Variants in ACSM3 observed in about 807,000 individuals in gnomAD.
ACSM3 encodes the protein acyl-CoA synthetase medium chain family member 3.
Under a neutral mutation model 74.1 loss-of-function variants are expected in ACSM3, and 61 were observed. The observed-to-expected ratio is 0.82, with a 90% CI of 0.67 to 1.02. The LOEUF (loss-of-function observed/expected upper bound fraction) is 1.02, where lower values mean the gene tolerates loss of function less well. Ranked by LOEUF, ACSM3 falls within the 50% of genes least tolerant of loss-of-function variation. The pLI is 0.00. For synonymous variants in ACSM3, 213 were observed against 241.5 expected (o/e 0.88, Z 1.09); for missense variants, 660 against 697.0 (o/e 0.95, Z 0.60).
chr16:20,779,502 T>G (rs2080306243), intron 4 of ACSM3, among the ~76,000 whole-genome samples: 1 of 152,042 alleles, frequency 6.6e-6, no homozygotes, highest in Non-Finnish European at 1.5e-5. Flanking sequence ...ATGGCCTGGT[T>G]GTTTCTACTC....
intron 1 of ACSM3, among the ~76,000 whole-genome samples, chr16:20,698,162 C>G (rs1314387350): frequency 6.7e-6 from 1 of 149,662 alleles, no homozygotes; most frequent in East Asian, 2.0e-4. Context: ...CCACTGCACT[C>G]CAGCCTGGGA....
chr16:20,680,367 G>A (rs1489734196), intron 1 of ACSM3: 1 of 152,158 alleles, frequency 6.6e-6, no homozygotes, highest in Non-Finnish European at 1.5e-5. Context: ...ATTTGGATAA[G>A]CCAGTGCCTG....
chr16:20,758,591 T>C (rs548614398), intron 3 of ACSM3, among the ~76,000 whole-genome samples: 5 of 152,302 alleles, frequency 3.3e-5, no homozygotes, highest in African/African-American at 1.2e-4. Context: ...GCTCCTGGAT[T>C]CATTAATTTT....
At chr16:20,713,028 A>G (rs1332991037) in intron 1 of ACSM3, among the ~76,000 whole-genome samples, 1 of 152,212 alleles carries the variant, frequency 6.6e-6, no homozygotes, top group Non-Finnish European at 1.5e-5. Flanking sequence ...AATATATACA[A>G]AATACTATTT....
intron 7 of ACSM3, chr16:20,784,378 T>C (rs542215030): frequency 6.6e-6 from 1 of 152,462 alleles, no homozygotes; most frequent in South Asian, 2.1e-4. Context: ...AACAGAAAGT[T>C]CTACTGGGCA....
chr16:20,786,500 G>A (rs1364374497), intron 9 of ACSM3, among the ~76,000 whole-genome samples: 3 of 152,150 alleles, frequency 2.0e-5, no homozygotes, highest in Non-Finnish European at 4.4e-5. Flanking sequence ...GGGCAACAAC[G>A]TGAGACTTTG....
intron 1 of ACSM3, among the ~76,000 whole-genome samples, chr16:20,714,926 A>G (rs570280030): frequency 6.6e-6 from 1 of 152,342 alleles, no homozygotes; most frequent in African/African-American, 2.4e-5. Flanking sequence ...TGGATAATGG[A>G]ATCACTGCTT....
chr16:20,738,809 A>C (rs1244997340), intron 1 of ACSM3: 2 of 1,481,360 alleles, frequency 1.4e-6, no homozygotes, highest in African/African-American at 2.8e-5. Flanking sequence ...AGTCATGCCC[A>C]AGAAGCCATT....
intron 4 of ACSM3, 169 bp from the exon 5 acceptor site, chr16:20,780,545 C>G: frequency 4.2e-6 from 6 of 1,421,088 alleles, no homozygotes; most frequent in Non-Finnish European, 5.8e-6. Context: ...TAGAAAGCAC[C>G]TAAAAGGATA....
chr16:20,713,495 A>C (rs916275270), intron 1 of ACSM3, among the ~76,000 whole-genome samples: 4 of 152,124 alleles, frequency 2.6e-5, no homozygotes, highest in Non-Finnish European at 5.9e-5. Flanking sequence ...GATGAGTAAA[A>C]AAATACAATT....
At chr16:20,709,389 T>A (rs2079736529) in intron 1 of ACSM3, among the ~76,000 whole-genome samples, 1 of 152,264 alleles carries the variant, frequency 6.6e-6, no homozygotes, top group Non-Finnish European at 1.5e-5. Flanking sequence ...TTAGATTATG[T>A]TTTCTGACTC....
intron 1 of ACSM3, among the ~76,000 whole-genome samples, chr16:20,714,220 A>G (rs1280201021): frequency 2.0e-5 from 3 of 149,256 alleles, no homozygotes; most frequent in Non-Finnish European, 4.5e-5. Context: ...AAAAAAAAAA[A>G]CACCCTAAGG....
intron 1 of ACSM3, chr16:20,681,076 T>C (rs775783265): frequency 1.3e-5 from 2 of 152,094 alleles, no homozygotes; most frequent in African/African-American, 4.8e-5. Flanking sequence ...AAAGAATAAT[T>C]AAATATTATT....
intron 1 of ACSM3, chr16:20,733,013 TAAG>T (rs2079840248): frequency 6.5e-6 from 1 of 154,160 alleles, no homozygotes; most frequent in South Asian, 2.1e-4. Flanking sequence ...GCTGAAGGGT[TAAG>T]TAGTAATATG....
intron 1 of ACSM3, chr16:20,711,669 G>A (rs1253397908): frequency 1.3e-5 from 8 of 633,720 alleles, no homozygotes; most frequent in Non-Finnish European, 2.2e-5. Flanking sequence ...TCAGTTTCCA[G>A]GAGTTATTTC....
At chr16:20,740,435 G>A (rs1187083334) in intron 1 of ACSM3, among the ~76,000 whole-genome samples, 2 of 152,242 alleles carry the variant, frequency 1.3e-5, no homozygotes, top group Non-Finnish European at 2.9e-5. Context: ...GGAGTAGACA[G>A]GATATGTGCT....
At chr16:20,745,171 A>C (rs545817211) in intron 1 of ACSM3, among the ~76,000 whole-genome samples, 1 of 152,158 alleles carries the variant, frequency 6.6e-6, no homozygotes, top group South Asian at 2.1e-4. Flanking sequence ...TTTAGACTAC[A>C]TCTATTATTT....
intron 1 of ACSM3, among the ~76,000 whole-genome samples, chr16:20,701,188 A>G (rs2079711812): frequency 6.6e-6 from 1 of 152,166 alleles, no homozygotes; most frequent in Non-Finnish European, 1.5e-5. Context: ...GAAGGCAGGA[A>G]TAGGACTTGA....
At chr16:20,779,570 T>TGTGTGCA (rs2080307722) in intron 4 of ACSM3, among the ~76,000 whole-genome samples, 1 of 152,190 alleles carries the variant, frequency 6.6e-6, no homozygotes, top group Non-Finnish European at 1.5e-5. Context: ...TTGATATGTA[T>TGTGTGCA]GTGTGCAGCT....
Sources: allele counts gnomAD v4.1 joint callset (sites outside exome capture counted in the v4.1 genomes callset), GRCh38; gene constraint gnomAD v4.1.1; transcripts MANE v1.5; gene names NCBI Gene and HGNC (gene_info 2026-07-23, HGNC 2026-07-21).